Variants in DOCK8 observed in about 807,000 individuals in gnomAD.
The protein encoded by DOCK8 is dedicator of cytokinesis protein 8.
Under a neutral mutation model 245.6 loss-of-function variants are expected in DOCK8, and 141 were observed. The ratio of observed to expected loss-of-function variants is 0.57; its 90% CI spans 0.50 to 0.66. DOCK8 has a LOEUF of 0.66. DOCK8 is among the 30% of genes least tolerant of loss of function. The probability of loss-of-function intolerance (pLI) is 0.00; values close to 1 mark genes in which losing one functional copy is unlikely to be tolerated. For synonymous variants in DOCK8, 1,168 were observed against 970.2 expected, an observed-to-expected ratio of 1.20 and a Z score of -3.79; for missense variants, 2,965 against 2,603.4, an observed-to-expected ratio of 1.14 and a Z score of -3.02.
chr9:400,376 T>C (rs376162812), intron 26 of DOCK8, among the ~76,000 whole-genome samples: 86 of 5,446 alleles, frequency 0.016, 1 homozygote, highest in Non-Finnish European at 0.02. Context: ...ACCACCTCCT[T>C]CACCATCACC....
intron 26 of DOCK8, among the ~76,000 whole-genome samples, chr9:402,816 G>A (rs1021262904): frequency 1.3e-5 from 2 of 152,178 alleles, no homozygotes; most frequent in East Asian, 1.9e-4. Context: ...TGTGGGTCTT[G>A]ACCTTTGGGA....
intron 5 of DOCK8, among the ~76,000 whole-genome samples, chr9:306,535 G>T (rs1347505663): frequency 6.6e-6 from 1 of 152,166 alleles, no homozygotes; most frequent in East Asian, 1.9e-4. Flanking sequence ...AGGTCTGAGA[G>T]AACCAAAAGG....
rs1003210084 is a variant in DOCK8 at position 359,459 on chromosome 9, G to T, written c.1680-8559G>T. On this transcript the variant is annotated intron_variant, in intron 14 of 47. Coordinates refer to ENST00000432829, the MANE Select transcript of DOCK8 (RefSeq NM_203447.4). ...CTGCATAGAGTAAGAATGAAATAAT[G>T]TTAGCTATTTTTTATTGTTACATTT... Among the ~76,000 whole-genome samples the T allele has an allele frequency of 4.7e-4, 72 of 152,274 alleles. 1 individual carries two copies. The highest frequency in any genetic ancestry group is 1.6e-3 in the African/African-American group (68 of 41,572).
chr9:462,545 T>C (rs1460808532), intron 46 of DOCK8, among the ~76,000 whole-genome samples: 1 of 152,226 alleles, frequency 6.6e-6, no homozygotes, highest in Non-Finnish European at 1.5e-5. Context: ...CAAGGCCACA[T>C]CACTAATCTT....
At chr9:379,660 A>G in intron 20 of DOCK8, 111 bp from the exon 21 acceptor site, 1 of 1,180,500 alleles carries the variant, frequency 8.5e-7, no homozygotes, top group Non-Finnish European at 1.2e-6. Context: ...TCCCAGGCCT[A>G]GTTAAATTGG....
chr9:374,944 T>C (rs2053459283), intron 18 of DOCK8, among the ~76,000 whole-genome samples: 1 of 152,212 alleles, frequency 6.6e-6, no homozygotes, highest in Non-Finnish European at 1.5e-5. Flanking sequence ...ACTCTGGAGA[T>C]TGTCTCTTCC....
Position 311,484 on chromosome 9 carries a change from C to A in DOCK8, c.529-470C>A, listed in dbSNP as rs1025379704. On this transcript the variant is annotated intron_variant, in intron 5 of 47. Transcript: ENST00000432829. Reference sequence around the variant, plus strand: ...CCCAGGCTAGTCTTGAACTCCCGGCCTCAAGCAGTCCTCCCACCTTGTCTA... The same window carrying A: ...CCCAGGCTAGTCTTGAACTCCCGGCATCAAGCAGTCCTCCCACCTTGTCTA... Among the ~76,000 whole-genome samples the A allele has an allele frequency of 4.6e-5, 7 of 151,360 alleles. 1 individual carries two copies. Among genetic ancestry groups the A allele is most frequent in the Middle Eastern group, 3.2e-3 (1 of 316 alleles).
At chr9:361,148 C>T (rs1220296082) in intron 14 of DOCK8, among the ~76,000 whole-genome samples, 3 of 152,066 alleles carry the variant, frequency 2.0e-5, no homozygotes, top group Non-Finnish European at 4.4e-5. Context: ...GCCCAAGCAA[C>T]AGAGCATAGA....
At position 432,289 on chromosome 9, in the gene DOCK8, G is replaced by A. The variant is rs1342299165; in HGVS notation, c.4750G>A (p.Asp1584Asn). The A allele has an allele frequency of 6.2e-7, 1 of 1,613,994 alleles. No individual in the cohort carries two copies. Among genetic ancestry groups the A allele is most frequent in the Non-Finnish European group, 8.5e-7 (1 of 1,179,996 alleles). Residue 1584 changes from aspartate to asparagine, a missense_variant, in exon 37 of 48, where the codon GAC (aspartate) becomes AAC (asparagine). This residue lies in a region of DOCK8 where 2,825 missense variants were observed against 2,453.5 expected (regional missense o/e 1.15). Transcript: ENST00000432829. ...LRTILAYSEE[D>N]TAMQMTPFPT... ...GACAATTTTGGCCTATTCAGAAGAG[G>A]ACACAGCCATGCAGATGACTCCTTT...
chr9:337,941 G>C (rs1247049412), intron 12 of DOCK8, among the ~76,000 whole-genome samples: 1 of 152,178 alleles, frequency 6.6e-6, no homozygotes, highest in Non-Finnish European at 1.5e-5. Context: ...ATTATGTGAG[G>C]TCAGGAGTTC....
Position 441,306 on chromosome 9 carries a change from T to C in DOCK8, c.5244T>C (p.Val1748=), listed in dbSNP as rs761454660. The part of the protein sequence containing the change: ...LFSTGGLYET[V]NEVYKLVIPI... ...CCAAGGGAGGCTTATATGAGACAGT[T>C]AATGAGGTCTACAAGCTGGTCATCC... Residue 1748 remains valine, a synonymous_variant, in exon 41 of 48, where the codon GTT becomes GTC. Coordinates refer to ENST00000432829, the MANE Select transcript of DOCK8 (RefSeq NM_203447.4). 29 of 1,614,088 alleles carry C rather than the reference T, an allele frequency of 1.8e-5. No individual in the cohort carries two copies. In the East Asian group the frequency reaches 6.5e-4, roughly 36 times the overall value.
At chr9:328,332 GT>G (rs2050856544) in intron 9 of DOCK8, among the ~76,000 whole-genome samples, 161 bp downstream of exon 9, 1 of 152,194 alleles carries the variant, frequency 6.6e-6, no homozygotes, top group African/African-American at 2.4e-5. Context: ...TAAGTAAACT[GT>G]TTCAGATACT....
intron 4 of DOCK8, among the ~76,000 whole-genome samples, chr9:296,045 G>C (rs2049248207): frequency 6.6e-6 from 1 of 152,158 alleles, no homozygotes; most frequent in African/African-American, 2.4e-5. Flanking sequence ...GTGTTACTTA[G>C]ACTGGAAGAT....
chr9:316,136 A>G (rs920709021), intron 6 of DOCK8, among the ~76,000 whole-genome samples: 11 of 152,198 alleles, frequency 7.2e-5, no homozygotes, highest in East Asian at 5.8e-4. Context: ...CTTTACTGCT[A>G]TTTGCAAGAA....
intron 28 of DOCK8, among the ~76,000 whole-genome samples, chr9:414,230 C>G (rs10758549): frequency 6.6e-6 from 1 of 151,926 alleles, no homozygotes; most frequent in South Asian, 2.1e-4. Context: ...CTTGTATACA[C>G]ATACTCATAG....
chr9:367,704 T>C (rs531851080), intron 14 of DOCK8, among the ~76,000 whole-genome samples: 1 of 152,240 alleles, frequency 6.6e-6, no homozygotes, highest in Non-Finnish European at 1.5e-5. Flanking sequence ...CTTTTTTGCC[T>C]TCTTTATCTG....
chr9:306,672 G>C (rs2049845799), intron 5 of DOCK8, among the ~76,000 whole-genome samples: 1 of 152,204 alleles, frequency 6.6e-6, no homozygotes, highest in African/African-American at 2.4e-5. Context: ...TTCAAATATA[G>C]GTTGCTGGGC....
In DOCK8 at chr9:334,513, AATGAAACACTGTT is replaced by A. The variant is rs1315867172; in HGVS notation, c.1285+134_1285+146del. On this transcript the variant is annotated intron_variant, in intron 11 of 47. Transcript: ENST00000432829. ...TGGGGAGGCAGAAGGAGATAAATAG[AATGAAACACTGTT>A]ATGACTGGATTACGTAGATTTGGAC... The A allele has an allele frequency of 1.6e-5, 15 of 962,368 alleles. No individual in the cohort carries two copies. The African/African-American group carries it at 2.3e-4, about 15-fold the overall frequency. The allele number at this position is 962,368 out of a possible 1,614,324, so 59.6% of individuals were successfully genotyped here. A position where few individuals can be genotyped will look rare whatever the true frequency, so the allele number is the denominator to read the frequency against.
intron 2 of DOCK8, among the ~76,000 whole-genome samples, chr9:273,796 CCT>C (rs1415602560): frequency 2.5e-5 from 1 of 39,236 alleles, no homozygotes; most frequent in East Asian, 4.9e-4. Context: ...AAGCAATTCT[CCT>C]GTAGTTCAAG....
Sources: allele counts gnomAD v4.1 joint callset (sites outside exome capture counted in the v4.1 genomes callset), GRCh38; gene constraint gnomAD v4.1.1; regional missense constraint gnomAD v4.1.1; transcripts MANE v1.5; gene names NCBI Gene and HGNC (gene_info 2026-07-23, HGNC 2026-07-21).